HORMAD1: variants seen among roughly 807,000 people sequenced by gnomAD.
HORMAD1 encodes the protein HORMA domain-containing protein 1.
Under a neutral mutation model 58.2 loss-of-function variants are expected in HORMAD1, and 33 were observed. The observed-to-expected ratio is 0.57, with a 90% CI of 0.43 to 0.76. The LOEUF (loss-of-function observed/expected upper bound fraction) is 0.76. Ranked by LOEUF, HORMAD1 falls within the 30% of genes least tolerant of loss-of-function variation. HORMAD1 has a pLI of 0.00. For synonymous variants in HORMAD1, 137 were observed against 144.6 expected, an observed-to-expected ratio of 0.95 and a Z score of 0.38; for missense variants, 363 against 462.0, an observed-to-expected ratio of 0.79 and a Z score of 1.96.
intron 7 of HORMAD1, among the ~76,000 whole-genome samples, chr1:150,709,477 C>T (rs1571072199): frequency 6.6e-6 from 1 of 152,162 alleles, no homozygotes; most frequent in Non-Finnish European, 1.5e-5. Flanking sequence ...TCGCCATTCT[C>T]TAGTCTCAAT....
At chr1:150,715,974 A>G (rs1412493412) in intron 3 of HORMAD1, among the ~76,000 whole-genome samples, 4 of 151,852 alleles carry the variant, frequency 2.6e-5, no homozygotes, top group Non-Finnish European at 5.9e-5. Flanking sequence ...GGCATTATTC[A>G]TAATAGCCAA....
At chr1:150,717,932 C>T (rs587762657) in intron 2 of HORMAD1, among the ~76,000 whole-genome samples, 2 of 151,886 alleles carry the variant, frequency 1.3e-5, no homozygotes, top group African/African-American at 4.8e-5. Context: ...AGTGACAAAG[C>T]GAGACTCCAT....
At position 150,714,647 on chromosome 1, in the gene HORMAD1, T is replaced by TCA; in HGVS notation, c.209_210insTG (p.Lys70AsnfsTer10). 1 of 1,456,862 alleles carries TCA rather than the reference T, an allele frequency of 6.9e-7. No homozygotes were observed. The allele number at this position is 1,456,862 out of a possible 1,614,324, so 90.2% of individuals were successfully genotyped here. ...CTAACTGTGTAGATCCTGGGCAATT[T>TCA]TTATCTTCTCTCAGTATTTTGACAC... On this transcript the variant is annotated frameshift_variant, in exon 4 of 15. Transcript: ENST00000361824. LOFTEE classifies it high-confidence loss of function.
At position 150,701,039 on chromosome 1, in the gene HORMAD1, T is replaced by C. The variant is rs1034914226; in HGVS notation, c.1033-856A>G. Among the ~76,000 whole-genome samples, 8 of 152,170 alleles carry C rather than the reference T, an allele frequency of 5.3e-5. 1 individual carries two copies. In the South Asian group the frequency reaches 1.7e-3, roughly 32 times the overall value. ...TTCCAATGATAACTTCCTTAGTATATATAATAATGAATATTTTCATTTCTT... is the reference window on the plus strand; with the variant it reads ...TTCCAATGATAACTTCCTTAGTATACATAATAATGAATATTTTCATTTCTT... On this transcript the variant is annotated intron_variant, in intron 13 of 14. Transcript: ENST00000361824.
intron 10 of HORMAD1, among the ~76,000 whole-genome samples, chr1:150,704,893 AT>A (rs1158183893): frequency 6.6e-6 from 1 of 152,014 alleles, no homozygotes; most frequent in Non-Finnish European, 1.5e-5. Flanking sequence ...AAATACAAAA[AT>A]TAGCCCGGCG....
chr1:150,716,460 A>T (rs1033198323), intron 3 of HORMAD1, among the ~76,000 whole-genome samples: 1 of 150,790 alleles, frequency 6.6e-6, no homozygotes. Context: ...GCACCCGGCC[A>T]GGACCACATT....
chr1:150,710,824 C>G (rs966714539), intron 7 of HORMAD1, among the ~76,000 whole-genome samples: 1 of 152,146 alleles, frequency 6.6e-6, no homozygotes, highest in East Asian at 1.9e-4. Flanking sequence ...CTGAATGAAA[C>G]GTTATATTGT....
chr1:150,717,952 A>G (rs1354431992), intron 2 of HORMAD1, among the ~76,000 whole-genome samples: 1 of 152,224 alleles, frequency 6.6e-6, no homozygotes, highest in Non-Finnish European at 1.5e-5. Context: ...TCTCAAAAAA[A>G]AAGTATATAA....
intron 3 of HORMAD1, among the ~76,000 whole-genome samples, chr1:150,714,913 G>C (rs587661274): frequency 1.3e-5 from 2 of 151,956 alleles, no homozygotes; most frequent in South Asian, 2.1e-4. Context: ...AGCCTCCCCA[G>C]TAGCTGGGAC....
At position 150,698,096 on chromosome 1, in the gene HORMAD1, A is replaced by G. The variant is rs930908755; in HGVS notation, c.*558T>C. 6.6e-6 allele frequency: 1 copy of G among 152,232 alleles called. No individual in the cohort carries two copies. Among genetic ancestry groups the G allele is most frequent in the African/African-American group, 2.4e-5 (1 of 41,446 alleles). 9.4% of individuals were successfully genotyped at this position (152,232 alleles called of 1,614,324 possible). A position where few individuals can be genotyped will look rare whatever the true frequency, so the allele number is the denominator to read the frequency against. On this transcript the variant is annotated 3_prime_UTR_variant, in exon 15 of 15. Transcript: ENST00000361824. ...CAATATTTTATTTATGCTGCAAAAA[A>G]TGCCATACTTTAAAAATCAGTCTTT...
intron 9 of HORMAD1, among the ~76,000 whole-genome samples, chr1:150,707,751 C>T (rs1651739904): frequency 6.6e-6 from 1 of 152,134 alleles, no homozygotes; most frequent in Non-Finnish European, 1.5e-5. Flanking sequence ...GCCTGGCCAA[C>T]ACGGTGAAAC....
At position 150,706,702 on chromosome 1, in the gene HORMAD1, A is replaced by G. The variant is rs1412023289; in HGVS notation, c.655T>C (p.Phe219Leu). The change falls in exon 10 of 15, where the codon TTT (phenylalanine) becomes CTT (leucine). Residue 219 changes from phenylalanine (F) to leucine (L), a missense_variant. Physicochemically the swap from Phe to Leu is conservative, Grantham distance 22. Transcript: ENST00000361824. Reference sequence around the variant, plus strand: ...GTCACTTTTACTTTGAAGATGTGAAAAGGTGTTGAGACTTCTCCCACATTT... The same window carrying G: ...GTCACTTTTACTTTGAAGATGTGAAGAGGTGTTGAGACTTCTCCCACATTT... ...YLNVGEVSTP[F>L]HIFKVKVTTE... 4.3e-6 allele frequency: 7 copies of G among 1,613,792 alleles called. No homozygotes were observed. Among genetic ancestry groups the G allele is most frequent in the Non-Finnish European group, 5.1e-6 (6 of 1,179,860 alleles).
At position 150,706,747 on chromosome 1, in the gene HORMAD1, C is replaced by T. The variant is rs200995601; in HGVS notation, c.610G>A (p.Glu204Lys). The T allele has an allele frequency of 6.2e-6, 10 of 1,613,408 alleles. No homozygotes were observed. Among genetic ancestry groups the T allele is most frequent in the East Asian group, 2.2e-5 (1 of 44,860 alleles). Residue 204 changes from glutamate (E) to lysine (K), a missense_variant, in exon 10 of 15, where the codon GAA (glutamate) becomes AAA (lysine). Around this residue, in one of 3 missense-constraint regions of HORMAD1, gnomAD observed 226 missense variants for 257.8 expected, o/e 0.88. Transcript: ENST00000361824. ...KDGDCEGVIF[E>K]GEPMYLNVGE... ...ACATTTAAATACATAGGTTCCCCTTCAAATATAACTCCTTCACAATCACCA... is the reference window on the plus strand; with the variant it reads ...ACATTTAAATACATAGGTTCCCCTTTAAATATAACTCCTTCACAATCACCA...
chr1:150,711,620 G>A (rs765573068), intron 6 of HORMAD1, 49 bp from the exon 7 acceptor site: 1 of 1,393,570 alleles, frequency 7.2e-7, no homozygotes, highest in South Asian at 1.2e-5. Context: ...AAGTATTCAA[G>A]AACTAAATTA....
rs587631128 is a variant in HORMAD1, at chr1:150,707,478, A to G, written c.548-669T>C. Among the ~76,000 whole-genome samples the G allele has an allele frequency of 5.3e-5, 8 of 152,366 alleles. No individual in the cohort carries two copies. In the East Asian group the frequency reaches 1.5e-3, roughly 29 times the overall value. On this transcript the variant is annotated intron_variant, in intron 9 of 14. Coordinates refer to ENST00000361824, the MANE Select transcript of HORMAD1 (RefSeq NM_032132.5). ...TGTTCCTATTTTAGCCAATGCTATA[A>G]TCAAAATCCTTATATAACTTTGCGT... is the stretch of plus-strand genomic sequence containing the variant.
chr1:150,715,905 G>T (rs199589242), intron 3 of HORMAD1, among the ~76,000 whole-genome samples: 7 of 148,116 alleles, frequency 4.7e-5, no homozygotes, highest in Non-Finnish European at 9.0e-5. Flanking sequence ...ATATATATAT[G>T]TATATATTTT....
chr1:150,700,695 T>C (rs1273134384), intron 13 of HORMAD1, among the ~76,000 whole-genome samples: 1 of 152,174 alleles, frequency 6.6e-6, no homozygotes, highest in Admixed American at 6.5e-5. Context: ...GTTCTGACTT[T>C]CAAATGAAAG....
chr1:150,709,154 G>C (rs1278568003), intron 7 of HORMAD1, among the ~76,000 whole-genome samples, 193 bp from the exon 8 acceptor site: 2 of 152,172 alleles, frequency 1.3e-5, no homozygotes, highest in Non-Finnish European at 2.9e-5. Flanking sequence ...GTCTTGGAGA[G>C]ACATTTATTT....
intron 5 of HORMAD1, chr1:150,713,837 C>A: frequency 2.4e-6 from 1 of 415,064 alleles, no homozygotes; most frequent in Non-Finnish European, 4.3e-6. Context: ...TGTAAGTTAA[C>A]ACGTGTTATT....
Sources: allele counts gnomAD v4.1 joint callset (sites outside exome capture counted in the v4.1 genomes callset), GRCh38; gene constraint gnomAD v4.1.1; regional missense constraint gnomAD v4.1.1; transcripts MANE v1.5; gene names NCBI Gene and HGNC (gene_info 2026-07-23, HGNC 2026-07-21).